The following CTNNA2 variants were observed in gnomAD, a reference collection of about 807,000 sequenced individuals.
CTNNA2 encodes catenin alpha 2.
A neutral mutation model predicts 101.0 loss-of-function variants in CTNNA2; 42 were observed. The observed-to-expected ratio is 0.42, with a 90% CI of 0.32 to 0.54. CTNNA2 has a LOEUF of 0.54. CTNNA2 is among the 20% of genes least tolerant of loss of function. CTNNA2 has a pLI of 0.14. For synonymous variants in CTNNA2, 450 were observed against 456.4 expected, an observed-to-expected ratio of 0.99 and a Z score of 0.18; for missense variants, 871 against 1,223.1, an observed-to-expected ratio of 0.71 and a Z score of 4.29.
At chr2:79,298,451 A>T (rs1345359926) in intron 2 of CTNNA2, among the ~76,000 whole-genome samples, 1 of 152,140 alleles carries the variant, frequency 6.6e-6, no homozygotes, top group Non-Finnish European at 1.5e-5. Context: ...CATCCAAATT[A>T]TACATCACCG....
intron 4 of CTNNA2, among the ~76,000 whole-genome samples, chr2:79,439,650 AG>A (rs1678756452): frequency 6.6e-6 from 1 of 152,198 alleles, no homozygotes; most frequent in Non-Finnish European, 1.5e-5. Context: ...AGATTCAGTA[AG>A]TCTGGGGTGG....
chr2:79,971,110 T>C (rs1254583914), intron 7 of CTNNA2, among the ~76,000 whole-genome samples: 1 of 152,100 alleles, frequency 6.6e-6, no homozygotes, highest in African/African-American at 2.4e-5. Flanking sequence ...CATTTTGGCA[T>C]CCTTAACTTG....
chr2:80,512,060 G>C (rs1688741702), intron 9 of CTNNA2, among the ~76,000 whole-genome samples: 1 of 143,678 alleles, frequency 7.0e-6, no homozygotes, highest in African/African-American at 2.6e-5. Context: ...TGTGGCAGGA[G>C]AATCGCTTGA....
chr2:80,207,133 C>T (rs1163834671), intron 7 of CTNNA2, among the ~76,000 whole-genome samples: 3 of 152,146 alleles, frequency 2.0e-5, no homozygotes, highest in Admixed American at 6.6e-5. Context: ...CCTGAAATAG[C>T]CATGGGAAAT....
At chr2:79,979,325 G>C (rs1208104097) in intron 7 of CTNNA2, among the ~76,000 whole-genome samples, 3 of 152,270 alleles carry the variant, frequency 2.0e-5, no homozygotes, top group Admixed American at 6.5e-5. Flanking sequence ...TGAGGTTAGA[G>C]TGAACTATGA....
At chr2:79,861,404 C>T (rs908699110) in intron 4 of CTNNA2, among the ~76,000 whole-genome samples, 4 of 152,172 alleles carry the variant, frequency 2.6e-5, no homozygotes, top group Admixed American at 1.3e-4. Flanking sequence ...ATCAGCAGTT[C>T]GCCAGGTTGA....
At chr2:79,345,107 TTAAA>T (rs1677231939) in intron 3 of CTNNA2, among the ~76,000 whole-genome samples, 2 of 45,802 alleles carry the variant, frequency 4.4e-5, no homozygotes, top group South Asian at 2.9e-3. Flanking sequence ...GTGTTTTTTT[TTAAA>T]AAAAAAAGCA....
chr2:80,424,244 G>T (rs531663313), intron 9 of CTNNA2, among the ~76,000 whole-genome samples: 2 of 152,124 alleles, frequency 1.3e-5, no homozygotes, highest in Non-Finnish European at 2.9e-5. Flanking sequence ...GTGAGCCACC[G>T]TGCCCGGCCC....
At chr2:79,330,246 T>C (rs79581561) in intron 3 of CTNNA2, among the ~76,000 whole-genome samples, 3,442 of 152,134 alleles carry the variant, frequency 0.023, 125 homozygotes, top group African/African-American at 0.069. Context: ...GAATTTAAAA[T>C]GCAGAGGGGA....
intron 7 of CTNNA2, among the ~76,000 whole-genome samples, chr2:80,027,809 A>C (rs1695028284): frequency 6.6e-6 from 1 of 151,830 alleles, no homozygotes; most frequent in African/African-American, 2.4e-5. Flanking sequence ...TTCTACAAAA[A>C]AATAAAATTA....
chr2:79,306,924 A>G (rs72818627), intron 2 of CTNNA2, among the ~76,000 whole-genome samples: 3,956 of 152,184 alleles, frequency 0.026, 80 homozygotes, highest in Non-Finnish European at 0.042. Context: ...CCTTTTGTGG[A>G]ATCCCATTCA....
intron 7 of CTNNA2, among the ~76,000 whole-genome samples, chr2:80,340,408 T>G (rs536879114): frequency 6.6e-6 from 1 of 152,344 alleles, no homozygotes; most frequent in South Asian, 2.1e-4. Context: ...GGCAAAGTTT[T>G]GATTGCTGTG....
At chr2:79,586,009 T>G (rs1031728566) in intron 1 of CTNNA2, among the ~76,000 whole-genome samples, 1 of 152,160 alleles carries the variant, frequency 6.6e-6, no homozygotes, top group Non-Finnish European at 1.5e-5. Flanking sequence ...ATTGTGAGTT[T>G]AAGGGCATTT....
chr2:79,553,657 A>G lies in CTNNA2; in HGVS notation c.-6+40450A>G, dbSNP rs112982141. Among the ~76,000 whole-genome samples the G allele has an allele frequency of 2.1e-3, 323 of 152,262 alleles. 2 individuals carry two copies. The highest frequency in any genetic ancestry group is 7.3e-3 in the African/African-American group (302 of 41,564). On this transcript the variant is annotated intron_variant, in intron 1 of 18. Coordinates refer to ENST00000402739, the MANE Select transcript of CTNNA2 (RefSeq NM_001282597.3). The stretch of plus-strand genomic sequence containing the variant: ...AAGGAGGAAGAGATAGTGAAGTGCT[A>G]TACACTTTTAAACAACCAGATCTTG...
chr2:80,641,342 T>C (rs989142417), intron 18 of CTNNA2, among the ~76,000 whole-genome samples: 5 of 152,186 alleles, frequency 3.3e-5, no homozygotes, highest in Non-Finnish European at 7.4e-5. Context: ...CTGCCATTTA[T>C]GTGTCATTAA....
Position 80,574,328 on chromosome 2 carries a change from C to CTTTA in CTNNA2, c.1893+15_1893+16insTTAT. 6.3e-7 allele frequency: 1 copy of CTTTA among 1,598,668 alleles called. No homozygotes were observed. Among genetic ancestry groups the CTTTA allele is most frequent in the Non-Finnish European group, 8.6e-7 (1 of 1,168,758 alleles). On this transcript the variant is annotated intron_variant, in intron 13 of 18. Coordinates refer to ENST00000402739, the MANE Select transcript of CTNNA2 (RefSeq NM_001282597.3). ...CTGATGATCAGGGTATGTGAGGCCT[C>CTTTA]TGTAGCTCAGAGCTGGTCAGATCTC...
chr2:80,257,872 C>A (rs76738237), intron 7 of CTNNA2, among the ~76,000 whole-genome samples: 9,475 of 152,278 alleles, frequency 0.062, 469 homozygotes, highest in South Asian at 0.29. Flanking sequence ...ATTATACTGC[C>A]ACTTGCTTTC....
chr2:80,267,289 C>T (rs150748069), intron 7 of CTNNA2, among the ~76,000 whole-genome samples: 53 of 152,092 alleles, frequency 3.5e-4, no homozygotes, highest in African/African-American at 1.2e-3. Flanking sequence ...TGTCTATGAA[C>T]AGCATTCAGA....
chr2:79,962,470 G>A (rs1030566868), intron 7 of CTNNA2, among the ~76,000 whole-genome samples: 8 of 152,200 alleles, frequency 5.3e-5, no homozygotes, highest in African/African-American at 1.9e-4. Context: ...ACCATAGCAG[G>A]TGCATTTATC....
Sources: allele counts gnomAD v4.1 joint callset (sites outside exome capture counted in the v4.1 genomes callset), GRCh38; gene constraint gnomAD v4.1.1; transcripts MANE v1.5; gene names NCBI Gene and HGNC (gene_info 2026-07-23, HGNC 2026-07-21).